SFPQ: variants seen among roughly 807,000 people sequenced by gnomAD.
SFPQ encodes the protein splicing factor proline and glutamine rich, also known as splicing factor, proline- and glutamine-rich.
Under a neutral mutation model 72.9 loss-of-function variants are expected in SFPQ, and 11 were observed. The ratio of observed to expected loss-of-function variants is 0.15; its 90% CI spans 0.09 to 0.25. The LOEUF (loss-of-function observed/expected upper bound fraction) is 0.25, where lower values mean the gene tolerates loss of function less well. SFPQ is among the 10% of genes least tolerant of loss of function. The pLI is 1.00. For missense variants in SFPQ, 847 were observed against 993.3 expected (o/e 0.85, Z 1.98); for synonymous variants, 506 against 367.3 (o/e 1.38, Z -4.32).
downstream of SFPQ, chr1:35,180,131 T>C (rs764267067): frequency 4.2e-5 from 44 of 1,048,552 alleles, no homozygotes; most frequent in Middle Eastern, 8.7e-4. Flanking sequence ...AAAAGTCTCA[T>C]AGTCATGAAG....
chr1:35,178,209 T>C (rs1219761364), downstream of SFPQ: 1 of 1,090,958 alleles, frequency 9.2e-7, no homozygotes, highest in Non-Finnish European at 1.1e-6. Flanking sequence ...AATCTAAAAT[T>C]ATTCTTACAT....
rs1639756865 is a variant in SFPQ, at chr1:35,187,094, A to G, written c.1893T>C (p.Phe631=). The G allele has an allele frequency of 6.2e-7, 1 of 1,614,004 alleles. No individual in the cohort carries two copies. Among genetic ancestry groups the G allele is most frequent in the Non-Finnish European group, 8.5e-7 (1 of 1,179,892 alleles). Residue 631 remains phenylalanine (F), a synonymous_variant, in exon 9 of 10, where the codon TTT becomes TTC. Coordinates refer to ENST00000357214, the MANE Select transcript of SFPQ (RefSeq NM_005066.3). ...GDPYGSGGQK[F]PPLGGGGGIG... Reference sequence around the variant, plus strand: ...TGCCACCACCACCTCCTAGAGGTGGAAATTTCTGGCCTCCTGAACCATAGG... The same window carrying G: ...TGCCACCACCACCTCCTAGAGGTGGGAATTTCTGGCCTCCTGAACCATAGG...
At chr1:35,182,686 G>A, downstream of SFPQ, 2 of 985,370 alleles carry the variant, frequency 2.0e-6, no homozygotes, top group Non-Finnish European at 1.2e-6. Context: ...GTGAAAAGGA[G>A]GAAGACACAT....
In SFPQ at chr1:35,184,297, A is replaced by T; in HGVS notation, c.*159T>A. 1.4e-6 allele frequency: 2 copies of T among 1,434,512 alleles called. No homozygotes were observed. The highest frequency in any genetic ancestry group is 1.8e-6 in the Non-Finnish European group (2 of 1,102,670). The allele number at this position is 1,434,512 out of a possible 1,614,324, so 88.9% of individuals were successfully genotyped here. The stretch of plus-strand genomic sequence containing the variant: ...TCTCCTGTTCCAAACACTGCATTAC[A>T]TAATTTTACCTGCCCAAACAGACCA... On this transcript the variant is annotated 3_prime_UTR_variant, in exon 10 of 10. Coordinates refer to ENST00000357214, the MANE Select transcript of SFPQ (RefSeq NM_005066.3).
In SFPQ at chr1:35,189,412, C is replaced by T. The variant is rs537001417; in HGVS notation, c.1416-30G>A. 2.6e-5 allele frequency: 40 copies of T among 1,552,598 alleles called. No homozygotes were observed. The Admixed American group carries it at 3.2e-4, about 13-fold the overall frequency. On this transcript the variant is annotated intron_variant, in intron 4 of 9. Coordinates refer to ENST00000357214, the MANE Select transcript of SFPQ (RefSeq NM_005066.3). ...CAATACACAAAATTTTAACATGAACCGATTTGTGAATGCATACCAGAAAAT... is the reference window on the plus strand; with the variant it reads ...CAATACACAAAATTTTAACATGAACTGATTTGTGAATGCATACCAGAAAAT...
chr1:35,179,232 TG>T (rs1639369222), downstream of SFPQ: 1 of 1,061,312 alleles, frequency 9.4e-7, no homozygotes, highest in South Asian at 4.6e-5. Flanking sequence ...CAGCTGACAA[TG>T]ATTAACAATA....
At chr1:35,178,178 G>T, downstream of SFPQ, 1 of 1,059,500 alleles carries the variant, frequency 9.4e-7, no homozygotes, top group Non-Finnish European at 1.1e-6. Flanking sequence ...AAAATAGGAA[G>T]AAACTTCATG....
chr1:35,181,461 A>AC, downstream of SFPQ: 1 of 1,063,692 alleles, frequency 9.4e-7, no homozygotes, highest in Non-Finnish European at 1.1e-6. Flanking sequence ...GTGGTACAAT[A>AC]CATCTATAAA....
At chr1:35,182,016 A>G, downstream of SFPQ, 10 of 985,438 alleles carry the variant, frequency 1.0e-5, no homozygotes, top group Non-Finnish European at 1.2e-5. Flanking sequence ...ATTATCCATT[A>G]GCATCCTTCA....
chr1:35,182,749 C>T, downstream of SFPQ: 2 of 985,402 alleles, frequency 2.0e-6, no homozygotes, highest in South Asian at 4.7e-5. Context: ...TAACTCAGAA[C>T]AAAGCCAAAC....
rs780364489 is a variant in SFPQ, at chr1:35,190,887, G to C, written c.1126C>G (p.Arg376Gly). The C allele has an allele frequency of 6.2e-7, 1 of 1,614,148 alleles. No homozygotes were observed. The highest frequency in any genetic ancestry group is 8.5e-7 in the Non-Finnish European group (1 of 1,180,024). Residue 376 changes from arginine (R) to glycine (G), a missense_variant, in exon 3 of 10, where the codon CGT becomes GGT. Around this residue, in one of 6 missense-constraint regions of SFPQ, gnomAD observed 132 missense variants for 255.4 expected, o/e 0.52. Transcript: ENST00000357214. ...TTGGAAACATAAGGTGAAAGATTAC[G>C]AACAGAAAGGGCAGCAGCATGTGTG... ...FATHAAALSVRNLSPYVSNEL... is the reference protein window; with the variant it reads ...FATHAAALSVGNLSPYVSNEL...
rs1023820652 is a variant in SFPQ at position 35,183,282 on chromosome 1, A to C, written c.*1174T>G. The C allele has an allele frequency of 9.8e-5, 54 of 551,304 alleles. No individual in the cohort carries two copies. Among genetic ancestry groups the C allele is most frequent in the Non-Finnish European group, 9.8e-5 (42 of 426,426 alleles). The allele number at this position is 551,304 out of a possible 1,614,324, so 34.2% of individuals were successfully genotyped here. A position where few individuals can be genotyped will look rare whatever the true frequency, so the allele number is the denominator to read the frequency against. ...GTTGTCCAGGCTGGAGTGCAGTGGCAGTCTCAGCTCACTGCAACCTCCATC... is the reference window on the plus strand; with the variant it reads ...GTTGTCCAGGCTGGAGTGCAGTGGCCGTCTCAGCTCACTGCAACCTCCATC... On this transcript the variant is annotated 3_prime_UTR_variant, in exon 10 of 10. Coordinates refer to ENST00000357214, the MANE Select transcript of SFPQ (RefSeq NM_005066.3).
chr1:35,182,659 T>C (rs1218401624), downstream of SFPQ: 4 of 985,300 alleles, frequency 4.1e-6, no homozygotes, highest in Admixed American at 1.2e-4. Context: ...TTTTGCCAAT[T>C]AGCACCAAGA....
Position 35,187,089 on chromosome 1 carries a change from G to A in SFPQ, c.1898C>T (p.Pro633Leu), listed in dbSNP as rs1557799142. 1 of 1,613,968 alleles carries A rather than the reference G, an allele frequency of 6.2e-7. No individual in the cohort carries two copies. Among genetic ancestry groups the A allele is most frequent in the Admixed American group, 1.7e-5 (1 of 60,000 alleles). ...ACCTATGCCACCACCACCTCCTAGA[G>A]GTGGAAATTTCTGGCCTCCTGAACC... ...PYGSGGQKFP[P>L]LGGGGGIGYE... is the part of the protein sequence containing the mutation. The change falls in exon 9 of 10, where the codon CCT (proline) becomes CTT (leucine). Residue 633 changes from proline (P) to leucine (L), a missense_variant. Pro to Leu is a moderately conservative substitution (Grantham distance 98). This residue lies in a region of SFPQ where 154 missense variants were observed against 186.0 expected (regional missense o/e 0.83). Coordinates refer to ENST00000357214, the MANE Select transcript of SFPQ (RefSeq NM_005066.3).
Position 35,192,764 on chromosome 1 carries a change from G to C in SFPQ, c.286C>G (p.Gln96Glu). The C allele has an allele frequency of 1.3e-6, 2 of 1,499,424 alleles. No individual in the cohort carries two copies. The highest frequency in any genetic ancestry group is 1.8e-6 in the Non-Finnish European group (2 of 1,129,994). 92.9% of individuals were successfully genotyped at this position (1,499,424 alleles called of 1,614,324 possible). ...QPPPHPQPHQ[Q>E]QQPPPPPQDS... Reference sequence around the variant, plus strand: ...TGCGGCGGTGGCGGCGGCTGCTGCTGCTGATGCGGCTGTGGATGCGGCGGC... The same window carrying C: ...TGCGGCGGTGGCGGCGGCTGCTGCTCCTGATGCGGCTGTGGATGCGGCGGC... The change falls in exon 1 of 10, where the codon CAG becomes GAG. Residue 96 changes from glutamine (Q) to glutamate (E), a missense_variant. This residue lies in a region of SFPQ where 498 missense variants were observed against 405.1 expected (regional missense o/e 1.23). Coordinates refer to ENST00000357214, the MANE Select transcript of SFPQ (RefSeq NM_005066.3).
chr1:35,187,036 CTGG>C lies in SFPQ; in HGVS notation c.1948_1950del (p.Pro650del). 6.2e-7 allele frequency: 1 copy of C among 1,614,084 alleles called. No individual in the cohort carries two copies. Among genetic ancestry groups the C allele is most frequent in the Non-Finnish European group, 8.5e-7 (1 of 1,179,942 alleles). On this transcript the variant is annotated inframe_deletion, in exon 9 of 10. Transcript: ENST00000357214. ...CCCATCATGGAACCACTCATGGTTGCTGGTGGAACGCCAGGATTAGCTTCATAA... is the reference window on the plus strand; with the variant it reads ...CCCATCATGGAACCACTCATGGTTGCTGGAACGCCAGGATTAGCTTCATAA...
rs1301685760 is a variant in SFPQ at position 35,188,989 on chromosome 1, A to C, written c.1697+14T>G. The C allele has an allele frequency of 3.7e-6, 6 of 1,600,460 alleles. No homozygotes were observed. Among genetic ancestry groups the C allele is most frequent in the East Asian group, 4.5e-5 (2 of 44,824 alleles). On this transcript the variant is annotated intron_variant, in intron 6 of 9. Coordinates refer to ENST00000357214, the MANE Select transcript of SFPQ (RefSeq NM_005066.3). ...AAAAATAAATGAAGGCTTAAACCTT[A>C]AACACAATTTTACCTCAATTGCATT...
At chr1:35,177,939 A>T, downstream of SFPQ, 1 of 896,606 alleles carries the variant, frequency 1.1e-6, no homozygotes, top group Non-Finnish European at 1.5e-6. Context: ...GAAATTATTT[A>T]AATCAAACTC....
chr1:35,191,935 C>A (rs1640020900), intron 1 of SFPQ, among the ~76,000 whole-genome samples: 1 of 152,214 alleles, frequency 6.6e-6, no homozygotes, highest in Non-Finnish European at 1.5e-5. Flanking sequence ...CTCTGCATTA[C>A]GCCAGTCCCA....
Sources: allele counts gnomAD v4.1 joint callset (sites outside exome capture counted in the v4.1 genomes callset), GRCh38; gene constraint gnomAD v4.1.1; regional missense constraint gnomAD v4.1.1; transcripts MANE v1.5; gene names NCBI Gene and HGNC (gene_info 2026-07-23, HGNC 2026-07-21).